The following PAK2 variants were observed in gnomAD, a reference collection of about 807,000 sequenced individuals.
PAK2 encodes the protein serine/threonine-protein kinase PAK 2.
Under a neutral mutation model 65.9 loss-of-function variants are expected in PAK2, and 21 were observed. The ratio of observed to expected loss-of-function variants is 0.32; its 90% CI spans 0.23 to 0.46. PAK2 has a LOEUF of 0.46. Ranked by LOEUF, PAK2 falls within the 20% of genes least tolerant of loss-of-function variation. The probability of loss-of-function intolerance (pLI) is 1.00; values close to 1 mark genes in which losing one functional copy is unlikely to be tolerated. For synonymous variants in PAK2, 204 were observed against 219.7 expected (o/e 0.93, Z 0.63); for missense variants, 324 against 642.6 (o/e 0.50, Z 5.36).
rs558049963 is a variant in PAK2, at chr3:196,794,000, G to A, written c.188-7927G>A. Reference sequence around the variant, plus strand: ...ACAAAAATTAGCTGGGCTCGGTGGCGTACACCTGTAATCCCAGCTACTCAG... The same window carrying A: ...ACAAAAATTAGCTGGGCTCGGTGGCATACACCTGTAATCCCAGCTACTCAG... On this transcript the variant is annotated intron_variant, in intron 2 of 14. Coordinates refer to ENST00000327134, the MANE Select transcript of PAK2 (RefSeq NM_002577.4). Among the ~76,000 whole-genome samples the A allele has an allele frequency of 3.8e-4, 58 of 151,888 alleles. 1 individual carries two copies. Among genetic ancestry groups the A allele is most frequent in the Non-Finnish European group, 6.5e-4 (44 of 67,950 alleles).
At chr3:196,804,730 A>G (rs923390075) in intron 4 of PAK2, among the ~76,000 whole-genome samples, 2 of 151,494 alleles carry the variant, frequency 1.3e-5, no homozygotes, top group Admixed American at 6.6e-5. Flanking sequence ...CGGCCTCCCA[A>G]AGTGCTAGGA....
At chr3:196,758,713 C>G (rs193139688) in intron 1 of PAK2, among the ~76,000 whole-genome samples, 12 of 152,152 alleles carry the variant, frequency 7.9e-5, no homozygotes, top group Admixed American at 7.9e-4. Context: ...GGAGTGTACC[C>G]TGGCATGATC....
At chr3:196,761,670 G>A (rs1340355020) in intron 1 of PAK2, among the ~76,000 whole-genome samples, 2 of 139,524 alleles carry the variant, frequency 1.4e-5, no homozygotes, top group Non-Finnish European at 1.6e-5. Flanking sequence ...TGAGCTGTTG[G>A]GCACACCTCC....
At chr3:196,743,064 A>G (rs190036225) in intron 1 of PAK2, among the ~76,000 whole-genome samples, 164 of 152,306 alleles carry the variant, frequency 1.1e-3, no homozygotes, top group African/African-American at 3.5e-3. Context: ...AGCTCTTCCT[A>G]GTATCCTTTT....
At chr3:196,773,687 C>G (rs1481905458) in intron 1 of PAK2, among the ~76,000 whole-genome samples, 1 of 151,884 alleles carries the variant, frequency 6.6e-6, no homozygotes, top group Non-Finnish European at 1.5e-5. Context: ...ACCAGCCTGA[C>G]CAATATAGTG....
chr3:196,788,605 T>C (rs1714972151), intron 2 of PAK2, among the ~76,000 whole-genome samples: 1 of 152,120 alleles, frequency 6.6e-6, no homozygotes, highest in African/African-American at 2.4e-5. Context: ...ACGACAGCAA[T>C]CTCAAACCAT....
rs565275155 is a variant in PAK2 at position 196,766,490 on chromosome 3, G to A, written c.-21-16136G>A. Reference sequence around the variant, plus strand: ...TCCGTATTTTGGTCTTCATTTAATTGTAAATGCAAATAAGGTGCATATGTC... The same window carrying A: ...TCCGTATTTTGGTCTTCATTTAATTATAAATGCAAATAAGGTGCATATGTC... On this transcript the variant is annotated intron_variant, in intron 1 of 14. Coordinates refer to ENST00000327134, the MANE Select transcript of PAK2 (RefSeq NM_002577.4). Among the ~76,000 whole-genome samples, 13 of 152,048 alleles carry A rather than the reference G, an allele frequency of 8.5e-5. 1 individual carries two copies. Among genetic ancestry groups the A allele is most frequent in the Non-Finnish European group, 1.8e-4 (12 of 68,026 alleles).
chr3:196,812,276 TTTG>T lies in PAK2; in HGVS notation c.822+14_822+16del. The T allele has an allele frequency of 6.5e-7, 1 of 1,526,904 alleles. No individual in the cohort carries two copies. Among genetic ancestry groups the T allele is most frequent in the Non-Finnish European group, 9.1e-7 (1 of 1,100,584 alleles). 94.6% of individuals were successfully genotyped at this position (1,526,904 alleles called of 1,614,324 possible). ...TTGCACTGGGACAGGAGGTAGTTAC[TTTG>T]TTGTAATCCTGGGTGTTACCATTAT... On this transcript the variant is annotated intron_variant, in intron 9 of 14. Coordinates refer to ENST00000327134, the MANE Select transcript of PAK2 (RefSeq NM_002577.4).
intron 14 of PAK2, 55 bp downstream of exon 14, chr3:196,827,388 CAG>C (rs1333823931): frequency 3.5e-5 from 55 of 1,570,582 alleles, no homozygotes; most frequent in Admixed American, 5.7e-5. Flanking sequence ...TGGTAACCGA[CAG>C]AAAGCTTTCC....
intron 1 of PAK2, among the ~76,000 whole-genome samples, chr3:196,761,743 G>T (rs1460386189): frequency 6.8e-6 from 1 of 146,218 alleles, no homozygotes; most frequent in Non-Finnish European, 1.5e-5. Flanking sequence ...CCGGGCAGAG[G>T]CGCCCCTCAC....
At chr3:196,762,914 A>G (rs1714032816) in intron 1 of PAK2, among the ~76,000 whole-genome samples, 1 of 152,240 alleles carries the variant, frequency 6.6e-6, no homozygotes. Flanking sequence ...GAGAGAAGCC[A>G]TACAGTAATT....
chr3:196,815,425 G>T (rs997375027), intron 11 of PAK2, among the ~76,000 whole-genome samples: 1 of 150,572 alleles, frequency 6.6e-6, no homozygotes, highest in Admixed American at 6.7e-5. Context: ...TGAGGAGGCA[G>T]ACATTGCAGT....
rs982071483 is a variant in PAK2, at chr3:196,780,979, G to A, written c.-21-1647G>A. Among the ~76,000 whole-genome samples the A allele has an allele frequency of 3.3e-4, 50 of 151,984 alleles. 1 individual carries two copies. The highest frequency in any genetic ancestry group is 1.2e-3 in the African/African-American group (49 of 41,370). On this transcript the variant is annotated intron_variant, in intron 1 of 14. Coordinates refer to ENST00000327134, the MANE Select transcript of PAK2 (RefSeq NM_002577.4). ...AACTTTTTGTGTGTTTAGTAGAGAC[G>A]GGGTTTCACCATGTTAGCCAGGATG...
At chr3:196,789,054 AGTTAGGAGAGAATGG>A (rs1357434852) in intron 2 of PAK2, among the ~76,000 whole-genome samples, 6 of 152,336 alleles carry the variant, frequency 3.9e-5, no homozygotes, top group African/African-American at 1.4e-4. Flanking sequence ...TCTCTGTTTT[AGTTAGGAGAGAATGG>A]TAGGTATATA....
chr3:196,753,534 C>A (rs866393158), intron 1 of PAK2, among the ~76,000 whole-genome samples: 7 of 152,350 alleles, frequency 4.6e-5, no homozygotes, highest in African/African-American at 1.2e-4. Flanking sequence ...TTAGTATTAA[C>A]ACAAGTTATT....
At chr3:196,782,558 T>TA in intron 1 of PAK2, 68 bp from the exon 2 acceptor site, 1 of 702,912 alleles carries the variant, frequency 1.4e-6, no homozygotes, top group Non-Finnish European at 2.4e-6. Flanking sequence ...CAGGGGTAGT[T>TA]ATTACTGTTT....
intron 1 of PAK2, among the ~76,000 whole-genome samples, chr3:196,764,841 CTTT>C (rs57199433): frequency 2.8e-5 from 3 of 107,634 alleles, no homozygotes; most frequent in Admixed American, 1.1e-4. Flanking sequence ...TCTTTTCTTT[CTTT>C]TTTTTTTTTT....
chr3:196,756,113 C>G (rs11920033), intron 1 of PAK2, among the ~76,000 whole-genome samples: 3 of 152,086 alleles, frequency 2.0e-5, no homozygotes. Context: ...TGTTCCCTAC[C>G]GTCAGGCAGT....
At chr3:196,751,660 A>ATATATATATATATATAT (rs1713587606) in intron 1 of PAK2, among the ~76,000 whole-genome samples, 1 of 40,260 alleles carries the variant, frequency 2.5e-5, no homozygotes, top group Non-Finnish European at 4.1e-5. Flanking sequence ...AAAACACACA[A>ATATATATATATATATAT]ATTTATTTAT....
Sources: allele counts gnomAD v4.1 joint callset (sites outside exome capture counted in the v4.1 genomes callset), GRCh38; gene constraint gnomAD v4.1.1; transcripts MANE v1.5; gene names NCBI Gene and HGNC (gene_info 2026-07-23, HGNC 2026-07-21).